Variants in C2CD5 observed in about 807,000 individuals in gnomAD.
C2CD5 encodes C2 calcium dependent domain containing 5.
Under a neutral mutation model 130.3 loss-of-function variants are expected in C2CD5, and 109 were observed. The observed-to-expected ratio is 0.84, with a 90% confidence interval of 0.72 to 0.98. The LOEUF is 0.98. C2CD5 is among the 50% of genes least tolerant of loss of function. The probability of loss-of-function intolerance (pLI) is 0.00; values close to 1 mark genes in which losing one functional copy is unlikely to be tolerated. For synonymous variants in C2CD5, 454 were observed against 429.2 expected (o/e 1.06, Z -0.71); for missense variants, 996 against 1,261.8 (o/e 0.79, Z 3.19).
intron 5 of C2CD5, among the ~76,000 whole-genome samples, 178 bp from the exon 6 acceptor site, chr12:22,524,805 A>C (rs1950587444): frequency 6.6e-6 from 1 of 152,192 alleles, no homozygotes; most frequent in African/African-American, 2.4e-5. Flanking sequence ...CATTTTTAGA[A>C]ATAATTATTG....
intron 10 of C2CD5, among the ~76,000 whole-genome samples, chr12:22,495,057 T>A (rs962769779): frequency 6.6e-6 from 1 of 152,072 alleles, no homozygotes; most frequent in African/African-American, 2.4e-5. Context: ...GTCACAACCA[T>A]AGAAATGTAT....
At chr12:22,508,645 A>G (rs1948844952) in intron 9 of C2CD5, among the ~76,000 whole-genome samples, 1 of 152,224 alleles carries the variant, frequency 6.6e-6, no homozygotes, top group Non-Finnish European at 1.5e-5. Context: ...GAAGTTGGGA[A>G]AACAGTTCGG....
At chr12:22,495,739 G>A (rs1165291934) in intron 10 of C2CD5, among the ~76,000 whole-genome samples, 1 of 152,032 alleles carries the variant, frequency 6.6e-6, no homozygotes, top group African/African-American at 2.4e-5. Context: ...TAACATGGGA[G>A]CTAAGGAAGC....
chr12:22,487,700 G>A (rs1350509464), intron 12 of C2CD5, among the ~76,000 whole-genome samples: 3 of 151,922 alleles, frequency 2.0e-5, no homozygotes, highest in Non-Finnish European at 2.9e-5. Context: ...TCCCATTACT[G>A]GGTATATACC....
chr12:22,535,212 C>G, intron 3 of C2CD5, 46 bp downstream of exon 3: 1 of 981,574 alleles, frequency 1.0e-6, no homozygotes, highest in Non-Finnish European at 1.6e-6. Context: ...GGAAAAGAGT[C>G]ACCTCAAAAA....
chr12:22,544,243 G>C, intron 1 of C2CD5, 64 bp from the exon 2 acceptor site: 1 of 1,307,860 alleles, frequency 7.6e-7, no homozygotes, highest in Non-Finnish European at 1.1e-6. Flanking sequence ...GCGGAGGCGC[G>C]CGGGGTAACT....
At chr12:22,452,616 T>G (rs951182915) in intron 26 of C2CD5, among the ~76,000 whole-genome samples, 5 of 152,132 alleles carry the variant, frequency 3.3e-5, no homozygotes, top group African/African-American at 1.2e-4. Context: ...GAAGGTTGTC[T>G]CATAGTTTTG....
At chr12:22,469,638 CTA>C (rs1309671288) in intron 22 of C2CD5, 69 bp downstream of exon 22, 1 of 833,274 alleles carries the variant, frequency 1.2e-6, no homozygotes, top group African/African-American at 1.8e-5. Flanking sequence ...GTAAGATTTC[CTA>C]TAATGAAGAA....
chr12:22,510,173 C>T (rs918491305), intron 9 of C2CD5, among the ~76,000 whole-genome samples: 2 of 152,074 alleles, frequency 1.3e-5, no homozygotes, highest in African/African-American at 4.8e-5. Context: ...CCATTGCCCT[C>T]CACCCTGGGC....
chr12:22,484,621 G>C, intron 13 of C2CD5, 76 bp downstream of exon 13: 1 of 718,804 alleles, frequency 1.4e-6, no homozygotes, highest in South Asian at 2.9e-5. Flanking sequence ...CAGTAAAGCT[G>C]ACACTTAAAA....
intron 7 of C2CD5, among the ~76,000 whole-genome samples, chr12:22,519,558 T>G (rs748026175): frequency 1.3e-5 from 2 of 152,010 alleles, no homozygotes; most frequent in Non-Finnish European, 2.9e-5. Context: ...CTTAACATAT[T>G]TGTCATTATT....
At chr12:22,537,058 T>C (rs1023910934) in intron 2 of C2CD5, among the ~76,000 whole-genome samples, 2 of 152,190 alleles carry the variant, frequency 1.3e-5, no homozygotes, top group African/African-American at 4.8e-5. Context: ...AAAAGCAATA[T>C]ACTTAAGGGT....
intron 7 of C2CD5, among the ~76,000 whole-genome samples, chr12:22,521,009 A>G (rs1051162241): frequency 1.3e-5 from 2 of 152,158 alleles, no homozygotes; most frequent in Non-Finnish European, 2.9e-5. Context: ...GTCTCTCTGC[A>G]TGAAAGGATG....
chr12:22,503,200 T>A (rs1028169052), intron 10 of C2CD5, among the ~76,000 whole-genome samples: 13 of 152,182 alleles, frequency 8.5e-5, no homozygotes, highest in African/African-American at 3.1e-4. Flanking sequence ...ATTTCCCATA[T>A]TCACCGGTCA....
chr12:22,526,466 A>G (rs1177166983), intron 4 of C2CD5, among the ~76,000 whole-genome samples: 1 of 152,236 alleles, frequency 6.6e-6, no homozygotes, highest in Non-Finnish European at 1.5e-5. Flanking sequence ...ATCCAGGATT[A>G]AAATTCAGAT....
intron 17 of C2CD5, 145 bp downstream of exon 17, chr12:22,472,599 T>C: frequency 1.4e-6 from 1 of 690,606 alleles, no homozygotes; most frequent in Middle Eastern, 3.8e-4. Flanking sequence ...AGGTATGTTT[T>C]CTACCTTGGA....
Position 22,544,409 on chromosome 12 carries a change from G to C in C2CD5, c.-119C>G, listed in dbSNP as rs1050740150. The C allele has an allele frequency of 1.1e-5, 4 of 363,864 alleles. No homozygotes were observed. The highest frequency in any genetic ancestry group is 9.8e-6 in the Non-Finnish European group (2 of 203,078). The allele number at this position is 363,864 out of a possible 1,614,324, so 22.5% of individuals were successfully genotyped here. A position where few individuals can be genotyped will look rare whatever the true frequency, so the allele number is the denominator to read the frequency against. On this transcript the variant is annotated 5_prime_UTR_variant, in exon 1 of 27. Coordinates refer to ENST00000446597, the MANE Select transcript of C2CD5 (RefSeq NM_001286176.2). ...AGGAAGGGCTTTGATGGGTTCTTCC[G>C]TCCCGGCCCCACAAGGCTGGGACGA...
intron 9 of C2CD5, among the ~76,000 whole-genome samples, chr12:22,508,032 G>A (rs1298546169): frequency 6.6e-6 from 1 of 152,008 alleles, no homozygotes; most frequent in African/African-American, 2.4e-5. Context: ...ACCACCAGAA[G>A]CAGGCTTATT....
chr12:22,499,095 C>T (rs879745316), intron 10 of C2CD5, among the ~76,000 whole-genome samples: 4 of 152,156 alleles, frequency 2.6e-5, no homozygotes, highest in African/African-American at 9.7e-5. Flanking sequence ...TGAGTTAGGA[C>T]TATTAAAACT....
Sources: gnomAD v4.1 joint callset for allele counts (sites outside exome capture counted in the v4.1 genomes callset) on GRCh38, gnomAD v4.1.1 for gene constraint, MANE v1.5 for transcripts, NCBI Gene and HGNC (gene_info 2026-07-23, HGNC 2026-07-21) for gene names.